Variants in CDH18 observed in about 807,000 individuals in gnomAD.
CDH18 encodes cadherin 18, also known as cadherin-18.
A neutral mutation model predicts 67.9 loss-of-function variants in CDH18; 31 were observed. The observed-to-expected ratio is 0.46, with a 90% CI of 0.34 to 0.62. The LOEUF (loss-of-function observed/expected upper bound fraction) is 0.62, where lower values mean the gene tolerates loss of function less well. Ranked by LOEUF, CDH18 falls within the 20% of genes least tolerant of loss-of-function variation. The pLI is 0.01. For synonymous variants in CDH18, 362 were observed against 347.2 expected (o/e 1.04, Z -0.48); for missense variants, 890 against 975.5 (o/e 0.91, Z 1.17).
chr5:20,113,122 C>A (rs185913054), intron 2 of CDH18, among the ~76,000 whole-genome samples: 3 of 152,236 alleles, frequency 2.0e-5, no homozygotes, highest in East Asian at 3.9e-4. Context: ...ATTTTAACTT[C>A]TTCATTTTAG....
intron 1 of CDH18, among the ~76,000 whole-genome samples, chr5:20,381,459 C>T (rs866165895): frequency 1.3e-5 from 2 of 151,966 alleles, no homozygotes; most frequent in African/African-American, 4.8e-5. Flanking sequence ...TTAAATTGTA[C>T]CCCCACCTGC....
At chr5:20,003,350 TTAAAA>T (rs1736604247) in intron 2 of CDH18, among the ~76,000 whole-genome samples, 1 of 152,086 alleles carries the variant, frequency 6.6e-6, no homozygotes, top group Admixed American at 6.6e-5. Flanking sequence ...GGGTAGAAGA[TTAAAA>T]TAGTCATTTT....
At chr5:19,605,109 T>A (rs1580450827) in intron 6 of CDH18, among the ~76,000 whole-genome samples, 1 of 151,936 alleles carries the variant, frequency 6.6e-6, no homozygotes, top group Non-Finnish European at 1.5e-5. Context: ...AAAGGAATTA[T>A]TCTGTAACTT....
intron 3 of CDH18, among the ~76,000 whole-genome samples, chr5:19,764,175 CAAAA>C (rs747971284): frequency 1.3e-5 from 1 of 79,524 alleles, no homozygotes. Flanking sequence ...GACTCTGTCT[CAAAA>C]AAAAAAAAAA....
chr5:20,344,445 T>C (rs1406746283), intron 1 of CDH18, among the ~76,000 whole-genome samples: 1 of 152,002 alleles, frequency 6.6e-6, no homozygotes, highest in Non-Finnish European at 1.5e-5. Context: ...GGTAGAAGCA[T>C]TCCCATGACA....
chr5:19,619,073 C>T (rs1410102689), intron 5 of CDH18, among the ~76,000 whole-genome samples: 2 of 152,122 alleles, frequency 1.3e-5, no homozygotes, highest in African/African-American at 2.4e-5. Flanking sequence ...TTTTCCCAAA[C>T]GATTTTATGA....
intron 5 of CDH18, among the ~76,000 whole-genome samples, chr5:19,680,065 CTGTATGGTAA>C (rs910841444): frequency 6.6e-6 from 1 of 151,986 alleles, no homozygotes; most frequent in African/African-American, 2.4e-5. Flanking sequence ...GTAACCAAAA[CTGTATGGTAA>C]TGTTACAAAA....
At chr5:19,720,329 T>C (rs1297954086) in intron 5 of CDH18, among the ~76,000 whole-genome samples, 2 of 152,172 alleles carry the variant, frequency 1.3e-5, no homozygotes, top group African/African-American at 4.8e-5. Flanking sequence ...TACTTGGAGA[T>C]GCCAGATGTT....
chr5:20,570,097 C>T (rs1022352386), intron 1 of CDH18, among the ~76,000 whole-genome samples: 8 of 152,066 alleles, frequency 5.3e-5, no homozygotes, highest in Admixed American at 2.0e-4. Flanking sequence ...ATACTATAAA[C>T]GTGGATATAC....
intron 5 of CDH18, among the ~76,000 whole-genome samples, chr5:19,613,348 A>C (rs896411818): frequency 6.6e-6 from 1 of 152,148 alleles, no homozygotes; most frequent in Non-Finnish European, 1.5e-5. Flanking sequence ...ATGTTTAATG[A>C]TGGAAAACAT....
chr5:19,721,636 C>A lies in CDH18; in HGVS notation c.524-170G>T, dbSNP rs1000544517. 2.0e-5 allele frequency among the ~76,000 whole-genome samples: 3 copies of A among 152,302 alleles called. No homozygotes were observed. In the East Asian group the frequency reaches 5.8e-4, roughly 29 times the overall value. On this transcript the variant is annotated intron_variant, in intron 4 of 12. Coordinates refer to ENST00000382275, the MANE Select transcript of CDH18 (RefSeq NM_004934.5). ...CATATTACTTGCTTTCTTTCCCTGT[C>A]ATCGACTGTAATGAAAGAGAGTCTA...
At chr5:19,568,695 T>C (rs1235660404) in intron 8 of CDH18, among the ~76,000 whole-genome samples, 1 of 151,894 alleles carries the variant, frequency 6.6e-6, no homozygotes, top group Non-Finnish European at 1.5e-5. Flanking sequence ...GAGGGCTCTC[T>C]GCAAACCAGG....
intron 2 of CDH18, among the ~76,000 whole-genome samples, chr5:20,138,250 G>C (rs1342580372): frequency 6.6e-6 from 1 of 152,074 alleles, no homozygotes; most frequent in Non-Finnish European, 1.5e-5. Context: ...AAAGGCCTTT[G>C]ACAAAATTCA....
At chr5:19,574,261 A>G (rs547381118) in intron 7 of CDH18, among the ~76,000 whole-genome samples, 13 of 152,260 alleles carry the variant, frequency 8.5e-5, no homozygotes, top group Non-Finnish European at 1.6e-4. Context: ...GTTTCTGTGG[A>G]CATATGGTTT....
At chr5:20,042,180 C>T (rs1740486330) in intron 2 of CDH18, among the ~76,000 whole-genome samples, 1 of 152,098 alleles carries the variant, frequency 6.6e-6, no homozygotes, top group African/African-American at 2.4e-5. Flanking sequence ...TGAGGAGTAG[C>T]CTCTTAATAA....
At chr5:19,823,234 G>A (rs188141584) in intron 3 of CDH18, among the ~76,000 whole-genome samples, 135 of 152,158 alleles carry the variant, frequency 8.9e-4, no homozygotes, top group East Asian at 2.3e-3. Context: ...AGGGTCCTGA[G>A]GTGACATACA....
intron 3 of CDH18, among the ~76,000 whole-genome samples, chr5:19,803,310 C>A (rs1159695440): frequency 2.0e-5 from 3 of 152,146 alleles, no homozygotes; most frequent in African/African-American, 7.2e-5. Context: ...ACAGACTCAT[C>A]GCTTTAGATC....
chr5:20,110,448 C>T (rs933993581), intron 2 of CDH18, among the ~76,000 whole-genome samples: 7 of 152,044 alleles, frequency 4.6e-5, no homozygotes, highest in Non-Finnish European at 8.8e-5. Flanking sequence ...TTTGGGAGGC[C>T]GAGGTGGGTG....
chr5:19,515,058 T>C (rs1289471133), intron 10 of CDH18, among the ~76,000 whole-genome samples: 2 of 152,220 alleles, frequency 1.3e-5, no homozygotes, highest in East Asian at 3.8e-4. Flanking sequence ...TTCAGCTTTC[T>C]ACATATGGCT....
Sources: allele counts gnomAD v4.1 joint callset (sites outside exome capture counted in the v4.1 genomes callset), GRCh38; gene constraint gnomAD v4.1.1; transcripts MANE v1.5; gene names NCBI Gene and HGNC (gene_info 2026-07-23, HGNC 2026-07-21).